Variants in MYO9A observed in about 807,000 individuals in gnomAD.
The protein encoded by MYO9A is myosin IXA, also known as unconventional myosin-IXa.
MYO9A carries 103 observed loss-of-function variants against 293.3 expected under a neutral mutation model. The ratio of observed to expected loss-of-function variants is 0.35; its 90% CI spans 0.30 to 0.41. The LOEUF (loss-of-function observed/expected upper bound fraction) is 0.41. MYO9A is among the 10% of genes least tolerant of loss of function. MYO9A has a pLI of 1.00. For synonymous variants in MYO9A, 1,001 were observed against 1,035.7 expected (o/e 0.97, Z 0.64); for missense variants, 2,685 against 3,033.0 (o/e 0.89, Z 2.69).
chr15:72,019,013 C>A (rs760813127), intron 6 of MYO9A, 26 bp downstream of exon 6: 1 of 1,600,328 alleles, frequency 6.2e-7, no homozygotes, highest in Non-Finnish European at 8.6e-7. Flanking sequence ...GACAGAAACA[C>A]AGAATATTTA....
chr15:71,835,644 A>C (rs894600681), intron 39 of MYO9A, among the ~76,000 whole-genome samples: 2 of 152,204 alleles, frequency 1.3e-5, no homozygotes, highest in African/African-American at 4.8e-5. Context: ...GAATGAAGAG[A>C]TATATCATGT....
At chr15:71,956,330 AATATATATAT>A (rs1555490832) in intron 14 of MYO9A, among the ~76,000 whole-genome samples, 3 of 75,584 alleles carry the variant, frequency 4.0e-5, no homozygotes, top group African/African-American at 1.8e-4. Flanking sequence ...AAAAAAAAAA[AATATATATAT>A]ATATATATAT....
rs1273823332 is a variant in MYO9A, at chr15:72,057,056, G to A, written c.-71-10422C>T. On this transcript the variant is annotated intron_variant, in intron 1 of 41. Transcript: ENST00000356056. ...TGGGAGGCGGAGGTTGCAGTGAGCC[G>A]AGATTGCACCACCGTACTCCAGCCT... is the stretch of plus-strand genomic sequence containing the variant. Among the ~76,000 whole-genome samples the A allele has an allele frequency of 2.6e-5, 4 of 151,954 alleles. No individual in the cohort carries two copies. In the East Asian group the frequency reaches 5.8e-4, roughly 22 times the overall value.
intron 1 of MYO9A, among the ~76,000 whole-genome samples, chr15:72,077,733 G>GAAAA (rs60518266): frequency 8.0e-5 from 7 of 87,404 alleles, no homozygotes; most frequent in African/African-American, 2.9e-4. Flanking sequence ...CTGTCTCAAA[G>GAAAA]AAAAAAAAAA....
chr15:72,004,171 A>T (rs1354003100), intron 8 of MYO9A, among the ~76,000 whole-genome samples: 2 of 152,256 alleles, frequency 1.3e-5, no homozygotes, highest in Non-Finnish European at 1.5e-5. Context: ...GAATATTCAA[A>T]AACTATTAAT....
rs1207246586 is a variant in MYO9A, at chr15:71,825,781, CT to C, written c.*798del. 1.3e-5 allele frequency: 2 copies of C among 152,152 alleles called. No homozygotes were observed. Among genetic ancestry groups the C allele is most frequent in the Non-Finnish European group, 1.5e-5 (1 of 68,024 alleles). 9.4% of individuals were successfully genotyped at this position (152,152 alleles called of 1,614,324 possible). ...AAACTAAAAAATAATGTAGAAGAAT[CT>C]GATCCTAGGACCAAGAAACATGAGA... On this transcript the variant is annotated 3_prime_UTR_variant, in exon 42 of 42. Transcript: ENST00000356056.
chr15:72,027,823 AAT>A (rs749687979), intron 3 of MYO9A, 30 bp from the exon 4 acceptor site: 4 of 1,489,666 alleles, frequency 2.7e-6, no homozygotes, highest in Non-Finnish European at 2.8e-6. Context: ...GGTTGATATA[AAT>A]AATAAAGTTT....
chr15:71,883,279 G>C (rs2142659963), intron 28 of MYO9A, among the ~76,000 whole-genome samples: 1 of 152,250 alleles, frequency 6.6e-6, no homozygotes, highest in Non-Finnish European at 1.5e-5. Flanking sequence ...GTTATAACCA[G>C]TAATACATAT....
intron 27 of MYO9A, among the ~76,000 whole-genome samples, chr15:71,885,484 T>A (rs6494975): frequency 0.69 from 104,555 of 151,868 alleles, 36,618 homozygotes; most frequent in Non-Finnish European, 0.75. Flanking sequence ...TCAAATGTAT[T>A]AGGTACTTTA....
intron 39 of MYO9A, among the ~76,000 whole-genome samples, chr15:71,837,358 CAGA>C (rs1405606812): frequency 1.3e-5 from 2 of 151,970 alleles, no homozygotes; most frequent in Non-Finnish European, 1.5e-5. Flanking sequence ...AAGCTAAAAA[CAGA>C]AGATCACTCT....
intron 15 of MYO9A, among the ~76,000 whole-genome samples, chr15:71,940,649 T>C (rs1363612047): frequency 6.6e-6 from 1 of 152,204 alleles, no homozygotes; most frequent in Non-Finnish European, 1.5e-5. Flanking sequence ...TGTGCCTGAA[T>C]TGGAAAATAT....
At position 71,852,297 on chromosome 15, in the gene MYO9A, A is replaced by C. The variant is rs762273025; in HGVS notation, c.6347-37T>G. On this transcript the variant is annotated intron_variant, in intron 35 of 41. Transcript: ENST00000356056. ...CAAGAGTTAGATTAACAGAGCCAAA[A>C]CATGCAAAGAGATTCAAATAATTCA... The C allele has an allele frequency of 3.8e-6, 6 of 1,565,830 alleles. No individual in the cohort carries two copies. The Admixed American group carries it at 1.1e-4, about 27-fold the overall frequency.
At chr15:71,947,788 A>G (rs1481861) in intron 15 of MYO9A, among the ~76,000 whole-genome samples, 108,102 of 151,968 alleles carry the variant, frequency 0.71, 38,964 homozygotes, top group Non-Finnish European at 0.76. Context: ...GCTGATGCAC[A>G]TCATATTCTC....
In MYO9A at chr15:71,878,190, T is replaced by C; in HGVS notation, c.5781A>G (p.Ala1927=). The stretch of plus-strand genomic sequence containing the variant: ...TCTTTTCCAGAATCTGTTCAAATAG[T>C]GCATAGAGGTCTTTATACCGTATGC... ...GKSIRYKDLY[A]LFEQILEKTM... The change falls in exon 31 of 42, where the codon GCA becomes GCG. Residue 1927 remains alanine (A), a synonymous_variant. Coordinates refer to ENST00000356056, the MANE Select transcript of MYO9A (RefSeq NM_006901.4). The C allele has an allele frequency of 1.9e-6, 3 of 1,604,300 alleles. No homozygotes were observed. Among genetic ancestry groups the C allele is most frequent in the Non-Finnish European group, 2.5e-6 (3 of 1,177,030 alleles).
chr15:71,949,231 C>G (rs2058995756), intron 15 of MYO9A, among the ~76,000 whole-genome samples: 1 of 152,016 alleles, frequency 6.6e-6, no homozygotes, highest in Non-Finnish European at 1.5e-5. Context: ...TTGAGACAGT[C>G]TTGCTCTGTT....
At position 71,864,268 on chromosome 15, in the gene MYO9A, A is replaced by G. The variant is rs188794551; in HGVS notation, c.5980-1657T>C. ...TAGTTATCAAAGAAATGCAAACTAA[A>G]ACCACAATGAAATACTACTTCATAC... On this transcript the variant is annotated intron_variant, in intron 32 of 41. Coordinates refer to ENST00000356056, the MANE Select transcript of MYO9A (RefSeq NM_006901.4). 5.9e-5 allele frequency among the ~76,000 whole-genome samples: 9 copies of G among 152,356 alleles called. No homozygotes were observed. In the East Asian group the frequency reaches 7.7e-4, roughly 13 times the overall value.
chr15:71,845,400 A>G lies in MYO9A; in HGVS notation c.6837+3445T>C, dbSNP rs1322136324. 6.6e-5 allele frequency among the ~76,000 whole-genome samples: 10 copies of G among 152,218 alleles called. No homozygotes were observed. In the South Asian group the frequency reaches 8.3e-4, roughly 13 times the overall value. The stretch of plus-strand genomic sequence containing the variant: ...TGAAGTGCAGTGAGCCGGTAGTATT[A>G]TATGTATTATAGTGCAGTGGTTCTC... On this transcript the variant is annotated intron_variant, in intron 39 of 41. Coordinates refer to ENST00000356056, the MANE Select transcript of MYO9A (RefSeq NM_006901.4).
chr15:71,975,425 G>GTGTA (rs1457162838), intron 12 of MYO9A, among the ~76,000 whole-genome samples: 2 of 151,374 alleles, frequency 1.3e-5, no homozygotes. Context: ...GTGTGTGTGT[G>GTGTA]TGTAGGTTTT....
At position 72,041,273 on chromosome 15, in the gene MYO9A, T is replaced by G; in HGVS notation, c.840+4451A>C. ...CCTGTACATCTTCACCTGCGTTGTA[T>G]TTTCCTTGTATTTATTTGCCTAGTT... On this transcript the variant is annotated intron_variant, in intron 2 of 41. Coordinates refer to ENST00000356056, the MANE Select transcript of MYO9A (RefSeq NM_006901.4). 3.0e-6 allele frequency: 3 copies of G among 1,006,030 alleles called. No homozygotes were observed. The South Asian group carries it at 3.8e-5, about 13-fold the overall frequency. The allele number at this position is 1,006,030 out of a possible 1,614,324, so 62.3% of individuals were successfully genotyped here. A position where few individuals can be genotyped will look rare whatever the true frequency, so the allele number is the denominator to read the frequency against.
Sources: allele counts gnomAD v4.1 joint callset (sites outside exome capture counted in the v4.1 genomes callset), GRCh38; gene constraint gnomAD v4.1.1; transcripts MANE v1.5; gene names NCBI Gene and HGNC (gene_info 2026-07-23, HGNC 2026-07-21).